COL7A1: variants seen among roughly 807,000 people sequenced by gnomAD.
COL7A1 encodes the protein collagen type VII alpha 1 chain, also known as collagen alpha-1(VII) chain.
COL7A1 carries 296 observed loss-of-function variants against 456.2 expected under a neutral mutation model. The observed-to-expected ratio is 0.65, with a 90% CI of 0.59 to 0.71. The LOEUF (loss-of-function observed/expected upper bound fraction) is 0.71. Ranked by LOEUF, COL7A1 falls within the 30% of genes least tolerant of loss-of-function variation. The pLI, the probability that COL7A1 is intolerant of heterozygous loss-of-function variation, is 0.00. For missense variants in COL7A1, 3,441 were observed against 4,017.2 expected, an observed-to-expected ratio of 0.86 and a Z score of 3.88; for synonymous variants, 1,464 against 1,525.9, an observed-to-expected ratio of 0.96 and a Z score of 0.95.
In COL7A1 at chr3:48,581,372, G is replaced by A; in HGVS notation, c.4819-32C>T. On this transcript the variant is annotated intron_variant, in intron 51 of 118. Coordinates refer to ENST00000681320, the MANE Select transcript of COL7A1 (RefSeq NM_000094.4). This position sits in a 1 kb window ranked among gnomAD's most constrained non-coding sequence, Gnocchi z 5.8. ...AGGAGGCAAGAGGGAGGTGATGCAG[G>A]ACGCTCGAAGCAAGCAGTTCTCAAG... 6.2e-7 allele frequency: 1 copy of A among 1,613,742 alleles called. No homozygotes were observed. The highest frequency in any genetic ancestry group is 8.5e-7 in the Non-Finnish European group (1 of 1,179,946).
rs752070397 is a variant in COL7A1, at chr3:48,574,256, A to C, written c.6501+6T>G. The C allele has an allele frequency of 6.2e-7, 1 of 1,613,670 alleles. No individual in the cohort carries two copies. On this transcript the variant is annotated splice_donor_region_variant and intron_variant, in intron 80 of 118. Coordinates refer to ENST00000681320, the MANE Select transcript of COL7A1 (RefSeq NM_000094.4). The surrounding 1 kb of genome is among the most constrained non-coding windows in gnomAD (Gnocchi z 5.0). ...CCTGGGGCCAGGTGCTTCAGCCACCACTCACCGGCTTCCCTTCAGGCCCAG... is the reference window on the plus strand; with the variant it reads ...CCTGGGGCCAGGTGCTTCAGCCACCCCTCACCGGCTTCCCTTCAGGCCCAG...
In COL7A1 at chr3:48,569,044, C is replaced by T. The variant is rs1253530953; in HGVS notation, c.7687-189G>A. Among the ~76,000 whole-genome samples the T allele has an allele frequency of 6.6e-6, 1 of 152,124 alleles. No homozygotes were observed. The highest frequency in any genetic ancestry group is 2.4e-5 in the African/African-American group (1 of 41,400). On this transcript the variant is annotated intron_variant, in intron 103 of 118. Coordinates refer to ENST00000681320, the MANE Select transcript of COL7A1 (RefSeq NM_000094.4). This position sits in a 1 kb window ranked among gnomAD's most constrained non-coding sequence, Gnocchi z 4.9. ...TCCACAGACTGGCTCATTTCTCACC[C>T]CAAGGACTCCAGACCCTTGCCCCGC...
chr3:48,575,748 C>T lies in COL7A1; in HGVS notation c.5857G>A (p.Ala1953Thr), dbSNP rs1246345792. The T allele has an allele frequency of 6.2e-7, 1 of 1,614,040 alleles. No individual in the cohort carries two copies. The highest frequency in any genetic ancestry group is 8.5e-7 in the Non-Finnish European group (1 of 1,180,018). ...DRLLETAGIK[A>T]SALREIVETW... ...TCCACGATCTCCCGCAGGGCAGATGCCTGAGGGACAGCAAGAGGTCAGAGG... is the reference window on the plus strand; with the variant it reads ...TCCACGATCTCCCGCAGGGCAGATGTCTGAGGGACAGCAAGAGGTCAGAGG... Residue 1953 changes from alanine to threonine, a missense_variant and splice_region_variant, in exon 73 of 119, where the codon GCA becomes ACA. By Grantham distance (58) the Ala-to-Thr change is moderately conservative. Around this residue, in one of 3 missense-constraint regions of COL7A1, gnomAD observed 2,084 missense variants for 2,501.3 expected, o/e 0.83. Coordinates refer to ENST00000681320, the MANE Select transcript of COL7A1 (RefSeq NM_000094.4). This position sits in a 1 kb window ranked among gnomAD's most constrained non-coding sequence, Gnocchi z 6.3.
chr3:48,564,195 T>C lies in COL7A1; in HGVS notation c.*211A>G. 1 of 650,400 alleles carries C rather than the reference T, an allele frequency of 1.5e-6. No homozygotes were observed. The highest frequency in any genetic ancestry group is 2.8e-6 in the Non-Finnish European group (1 of 359,786). The allele number at this position is 650,400 out of a possible 1,614,324, so 40.3% of individuals were successfully genotyped here. A position where few individuals can be genotyped will look rare whatever the true frequency, so the allele number is the denominator to read the frequency against. On this transcript the variant is annotated 3_prime_UTR_variant, in exon 119 of 119. Coordinates refer to ENST00000681320, the MANE Select transcript of COL7A1 (RefSeq NM_000094.4). This position sits in a 1 kb window ranked among gnomAD's most constrained non-coding sequence, Gnocchi z 6.0. ...ACTGCCCACAGCCACCCCCCCACAG[T>C]GAGTCATCTGCCAGGGTGGCAGGAG... is the stretch of plus-strand genomic sequence containing the variant.
At position 48,585,247 on chromosome 3, in the gene COL7A1, G is replaced by A; in HGVS notation, c.3895-131C>T. On this transcript the variant is annotated intron_variant, in intron 32 of 118. Transcript: ENST00000681320. The surrounding 1 kb of genome is among the most constrained non-coding windows in gnomAD (Gnocchi z 4.5). ...CCCAAGTGTTATTGGGGGTGGAACAGTGAGGCAGAGAAATGGCCCCTCAGA... is the reference window on the plus strand; with the variant it reads ...CCCAAGTGTTATTGGGGGTGGAACAATGAGGCAGAGAAATGGCCCCTCAGA... The A allele has an allele frequency of 1.1e-6, 1 of 917,260 alleles. No homozygotes were observed. Among genetic ancestry groups the A allele is most frequent in the Non-Finnish European group, 1.7e-6 (1 of 596,562 alleles). The allele number at this position is 917,260 out of a possible 1,614,324, so 56.8% of individuals were successfully genotyped here.
Position 48,588,595 on chromosome 3 carries a change from C to A in COL7A1, c.2587+47G>T. On this transcript the variant is annotated intron_variant, in intron 20 of 118. Coordinates refer to ENST00000681320, the MANE Select transcript of COL7A1 (RefSeq NM_000094.4). This position sits in a 1 kb window ranked among gnomAD's most constrained non-coding sequence, Gnocchi z 4.6. ...CAGAGCACAAGCCCGGATCCCCAAA[C>A]CATCCACACCACCCATCCGAAGCTC... 6.2e-7 allele frequency: 1 copy of A among 1,613,628 alleles called. No homozygotes were observed. The highest frequency in any genetic ancestry group is 8.5e-7 in the Non-Finnish European group (1 of 1,180,002).
At position 48,572,095 on chromosome 3, in the gene COL7A1, A is replaced by G. The variant is rs1420916148; in HGVS notation, c.7023+32T>C. The G allele has an allele frequency of 1.9e-6, 3 of 1,613,822 alleles. No homozygotes were observed. The highest frequency in any genetic ancestry group is 1.7e-5 in the Admixed American group (1 of 59,986). On this transcript the variant is annotated intron_variant, in intron 91 of 118. Transcript: ENST00000681320. The surrounding 1 kb of genome is among the most constrained non-coding windows in gnomAD (Gnocchi z 4.6). The stretch of plus-strand genomic sequence containing the variant: ...TGTCTGGACTGAGCCTTCTCTGCTC[A>G]GTAGTCAGGCCCCAGGGCCAACCCA...
rs770219119 is a variant in COL7A1, at chr3:48,592,909, G to A, written c.712C>T (p.Leu238=). ...TGGCTGCTTGGCTCAGACAGCACCA[G>A]GTCTCGTGGAGCAGAGGTCGAGTCA... ...PDDSTSAPRD[L]VLSEPSSQSL... Residue 238 remains leucine, a synonymous_variant, in exon 7 of 119, where the codon CTG becomes TTG. Transcript: ENST00000681320. The surrounding 1 kb of genome is among the most constrained non-coding windows in gnomAD (Gnocchi z 7.6). 3.7e-6 allele frequency: 6 copies of A among 1,613,898 alleles called. No individual in the cohort carries two copies. The highest frequency in any genetic ancestry group is 2.5e-6 in the Non-Finnish European group (3 of 1,180,012).
Position 48,583,635 on chromosome 3 carries a change from G to A in COL7A1, c.4342-20C>T. ...GTCACCCTGAAGGAGAAACACACGGGTGGGAAGACCGAAGGGAGGCCCTGC... is the reference window on the plus strand; with the variant it reads ...GTCACCCTGAAGGAGAAACACACGGATGGGAAGACCGAAGGGAGGCCCTGC... On this transcript the variant is annotated intron_variant, in intron 40 of 118. Transcript: ENST00000681320. This position sits in a 1 kb window ranked among gnomAD's most constrained non-coding sequence, Gnocchi z 5.1. The A allele has an allele frequency of 6.2e-7, 1 of 1,613,994 alleles. No individual in the cohort carries two copies. Among genetic ancestry groups the A allele is most frequent in the Non-Finnish European group, 8.5e-7 (1 of 1,179,998 alleles).
At position 48,593,429 on chromosome 3, in the gene COL7A1, G is replaced by A. The variant is rs372585819; in HGVS notation, c.447C>T (p.Asp149=). Residue 149 remains aspartate (D), a synonymous_variant, in exon 5 of 119, where the codon GAC becomes GAT. Coordinates refer to ENST00000681320, the MANE Select transcript of COL7A1 (RefSeq NM_000094.4). The surrounding 1 kb of genome is among the most constrained non-coding windows in gnomAD (Gnocchi z 4.4). ...GVPKVCILIT[D]GKSQDLVDTA... ...TGTCCACCAGGTCCTGGGACTTCCC[G>A]TCTGTGATCAGGATGCAGACCTGGG... The A allele has an allele frequency of 3.8e-5, 62 of 1,613,924 alleles. 1 individual carries two copies. The highest frequency in any genetic ancestry group is 1.6e-4 in the Middle Eastern group (1 of 6,084).
Position 48,572,961 on chromosome 3 carries a change from G to A in COL7A1, c.6751-19C>T. On this transcript the variant is annotated intron_variant, in intron 86 of 118. Transcript: ENST00000681320. The surrounding 1 kb of genome is among the most constrained non-coding windows in gnomAD (Gnocchi z 4.6). ...TCTCCCCCTGAGAGGGAAGAGCTCT[G>A]TCAGGGCTGCCTGTCGACCCTTGAC... 6.2e-7 allele frequency: 1 copy of A among 1,614,020 alleles called. No homozygotes were observed. The highest frequency in any genetic ancestry group is 8.5e-7 in the Non-Finnish European group (1 of 1,179,988).
rs762544140 is a variant in COL7A1 at position 48,573,765 on chromosome 3, C to T, written c.6538-40G>A. The T allele has an allele frequency of 1.4e-5, 23 of 1,613,750 alleles. No homozygotes were observed. Among genetic ancestry groups the T allele is most frequent in the African/African-American group, 1.1e-4 (8 of 74,874 alleles). On this transcript the variant is annotated intron_variant, in intron 81 of 118. Transcript: ENST00000681320. This position sits in a 1 kb window ranked among gnomAD's most constrained non-coding sequence, Gnocchi z 5.5. The stretch of plus-strand genomic sequence containing the variant: ...AAGAGTCTGATGAGGGGGAGTTAGC[C>T]GCACCCCACCAAGGAAACTGAGGCA...
chr3:48,594,229 C>G lies in COL7A1; in HGVS notation c.266+139G>C, dbSNP rs978086576. The stretch of plus-strand genomic sequence containing the variant: ...CCTTACCTCTGTCTCCAAAGGAGGT[C>G]CTGGCTAGGGGGTCTCTAGGTTCCC... On this transcript the variant is annotated intron_variant, in intron 3 of 118. Coordinates refer to ENST00000681320, the MANE Select transcript of COL7A1 (RefSeq NM_000094.4). This position sits in a 1 kb window ranked among gnomAD's most constrained non-coding sequence, Gnocchi z 5.5. 4.1e-6 allele frequency: 4 copies of G among 971,572 alleles called. No homozygotes were observed. The highest frequency in any genetic ancestry group is 6.1e-6 in the Non-Finnish European group (4 of 651,820). 60.2% of individuals were successfully genotyped at this position (971,572 alleles called of 1,614,324 possible).
Position 48,586,712 on chromosome 3 carries a change from G to A in COL7A1, c.3277-23C>T. ...AACCTGGGGTGGAAGGAAACACAGA[G>A]CCTGAGGAGGATGACAGAGCAGGGA... On this transcript the variant is annotated intron_variant, in intron 25 of 118. Transcript: ENST00000681320. This position sits in a 1 kb window ranked among gnomAD's most constrained non-coding sequence, Gnocchi z 5.1. 6.4e-7 allele frequency: 1 copy of A among 1,562,578 alleles called. No individual in the cohort carries two copies. The highest frequency in any genetic ancestry group is 8.7e-7 in the Non-Finnish European group (1 of 1,152,842).
At chr3:48,584,832 C>T in intron 34 of COL7A1, 63 bp from the exon 35 acceptor site, 3 of 1,613,794 alleles carry the variant, frequency 1.9e-6, no homozygotes, top group East Asian at 4.5e-5. Flanking sequence ...GTGGGCACTG[C>T]ACCACCACCC....
Position 48,566,876 on chromosome 3 carries a change from G to A in COL7A1, c.8226+31C>T. 1 of 1,579,574 alleles carries A rather than the reference G, an allele frequency of 6.3e-7. No homozygotes were observed. The highest frequency in any genetic ancestry group is 8.6e-7 in the Non-Finnish European group (1 of 1,157,140). ...AGGTTGGAAGGGTAGGGAAGGTTCAGGGATCAGGAGTCAGAGCTGGGGCCC... is the reference window on the plus strand; with the variant it reads ...AGGTTGGAAGGGTAGGGAAGGTTCAAGGATCAGGAGTCAGAGCTGGGGCCC... On this transcript the variant is annotated intron_variant, in intron 111 of 118. Coordinates refer to ENST00000681320, the MANE Select transcript of COL7A1 (RefSeq NM_000094.4). The surrounding 1 kb of genome is among the most constrained non-coding windows in gnomAD (Gnocchi z 5.9).
chr3:48,581,573 C>T lies in COL7A1; in HGVS notation c.4782G>A (p.Arg1594=). ...DPGPKGDPGD[R]GPIGLTGRAG... ...ACTCCCCATTCCCACATTGATTCAC[C>T]CGGTCTCCAGGGTCTCCCTTGGGGC... Residue 1594 remains arginine, a splice_region_variant and synonymous_variant, in exon 50 of 119, where the codon CGG becomes CGA. Transcript: ENST00000681320. The surrounding 1 kb of genome is among the most constrained non-coding windows in gnomAD (Gnocchi z 5.8). 6.2e-7 allele frequency: 1 copy of T among 1,614,048 alleles called. No homozygotes were observed. Among genetic ancestry groups the T allele is most frequent in the Non-Finnish European group, 8.5e-7 (1 of 1,180,000 alleles).
In COL7A1 at chr3:48,575,191, G is replaced by A; in HGVS notation, c.6216+16C>T. The A allele has an allele frequency of 6.2e-7, 1 of 1,613,958 alleles. No homozygotes were observed. The highest frequency in any genetic ancestry group is 1.6e-4 in the Middle Eastern group (1 of 6,062). On this transcript the variant is annotated intron_variant, in intron 75 of 118. Transcript: ENST00000681320. The surrounding 1 kb of genome is among the most constrained non-coding windows in gnomAD (Gnocchi z 6.3). ...GCCTCCAGACAGCCTGCCCCACGAA[G>A]CCCATCGCAGCCCACCTGTTCTCCA... is the stretch of plus-strand genomic sequence containing the variant.
In COL7A1 at chr3:48,578,445, G is replaced by A; in HGVS notation, c.5487+8C>T. 1 of 1,613,326 alleles carries A rather than the reference G, an allele frequency of 6.2e-7. No homozygotes were observed. Among genetic ancestry groups the A allele is most frequent in the Non-Finnish European group, 8.5e-7 (1 of 1,180,028 alleles). ...GGAAAAGGGGGTAACATGAAAGTCT[G>A]GTCTCACCGGTAATCCAGGGGGACC... On this transcript the variant is annotated splice_region_variant and intron_variant, in intron 64 of 118. Transcript: ENST00000681320. The surrounding 1 kb of genome is among the most constrained non-coding windows in gnomAD (Gnocchi z 4.7).
Sources: gnomAD v4.1 joint callset for allele counts (sites outside exome capture counted in the v4.1 genomes callset) on GRCh38, gnomAD v4.1.1 for gene constraint, gnomAD v4.1.1 regional missense constraint, Gnocchi (gnomAD v3.1) non-coding constraint, MANE v1.5 for transcripts, NCBI Gene and HGNC (gene_info 2026-07-23, HGNC 2026-07-21) for gene names.